ABCA13: variants seen among roughly 807,000 people sequenced by gnomAD.
ABCA13 encodes ATP-binding cassette sub-family A member 13.
A neutral mutation model predicts 478.7 loss-of-function variants in ABCA13; 476 were observed. The observed-to-expected ratio is 0.99, with a 90% confidence interval of 0.92 to 1.07. ABCA13 has a LOEUF of 1.07. ABCA13 is among the 50% of genes least tolerant of loss of function. ABCA13 has a pLI of 0.00. For synonymous variants in ABCA13, 2,252 were observed against 2,158.9 expected (o/e 1.04, Z -1.20); for missense variants, 6,060 against 5,910.6 (o/e 1.03, Z -0.83).
chr7:48,390,354 C>T (rs573392751), intron 37 of ABCA13, among the ~76,000 whole-genome samples: 45 of 152,136 alleles, frequency 3.0e-4, no homozygotes, highest in Admixed American at 6.5e-4. Context: ...CAGTCAAAGA[C>T]GGGGGGGTCT....
At chr7:48,514,343 C>G (rs895759726) in intron 51 of ABCA13, among the ~76,000 whole-genome samples, 32 of 152,142 alleles carry the variant, frequency 2.1e-4, no homozygotes, top group Non-Finnish European at 4.4e-5. Flanking sequence ...GTTAAAGGAG[C>G]AGAGAAAGAC....
chr7:48,400,438 A>G (rs758968175), intron 38 of ABCA13, among the ~76,000 whole-genome samples: 2 of 152,250 alleles, frequency 1.3e-5, no homozygotes, highest in Non-Finnish European at 2.9e-5. Flanking sequence ...GCTGCCTAGC[A>G]ATGTTCTCAA....
rs1374663068 is a variant in ABCA13 at position 48,520,110 on chromosome 7, G to A, written c.13867G>A (p.Gly4623Arg). Reference protein sequence around the residue: ...TIFPQFCLGQGLVELCYNQIK... With the variant: ...TIFPQFCLGQRLVELCYNQIK... Reference sequence around the variant, plus strand: ...TTTTCCTCAATTCTGTCTTGGTCAAGGACTGGTAGAACTCTGCTATAATCA... The same window carrying A: ...TTTTCCTCAATTCTGTCTTGGTCAAAGACTGGTAGAACTCTGCTATAATCA... Residue 4623 changes from glycine (G) to arginine (R), a missense_variant, in exon 53 of 62, where the codon GGA becomes AGA. Coordinates refer to ENST00000435803, the MANE Select transcript of ABCA13 (RefSeq NM_152701.5). 1 of 1,613,548 alleles carries A rather than the reference G, an allele frequency of 6.2e-7. No homozygotes were observed. The highest frequency in any genetic ancestry group is 1.7e-5 in the Admixed American group (1 of 59,980).
intron 3 of ABCA13, among the ~76,000 whole-genome samples, chr7:48,210,422 T>C (rs1785483376): frequency 6.6e-6 from 1 of 152,130 alleles, no homozygotes; most frequent in South Asian, 2.1e-4. Flanking sequence ...AGTTAGGTTG[T>C]TTATTTGAAG....
At chr7:48,264,907 A>G (rs1168764389) in intron 15 of ABCA13, among the ~76,000 whole-genome samples, 4 of 151,852 alleles carry the variant, frequency 2.6e-5, no homozygotes, top group African/African-American at 4.8e-5. Context: ...TGAGTTTAAT[A>G]GATTTATGTC....
chr7:48,481,225 A>C (rs1382420188), intron 46 of ABCA13, 71 bp downstream of exon 46: 2 of 1,298,840 alleles, frequency 1.5e-6, no homozygotes, highest in African/African-American at 3.0e-5. Context: ...TTTAAATGCT[A>C]ATGTTCTTAA....
Position 48,533,478 on chromosome 7 carries a change from A to G in ABCA13, c.14354+5133A>G, listed in dbSNP as rs189580702. Among the ~76,000 whole-genome samples the G allele has an allele frequency of 9.2e-5, 14 of 151,548 alleles. No homozygotes were observed. The East Asian group carries it at 2.7e-3, about 29-fold the overall frequency. ...GAATAGAATGTATATTCTGTAGCAC[A>G]TGAATGTTCTGTAATCATCTGTTGA... On this transcript the variant is annotated intron_variant, in intron 55 of 61. Coordinates refer to ENST00000435803, the MANE Select transcript of ABCA13 (RefSeq NM_152701.5).
At chr7:48,195,100 G>T (rs1206010941) in intron 2 of ABCA13, among the ~76,000 whole-genome samples, 5 of 152,234 alleles carry the variant, frequency 3.3e-5, no homozygotes, top group Non-Finnish European at 7.3e-5. Context: ...GAACAAGAGA[G>T]TGCAGAGGAG....
Position 48,275,509 on chromosome 7 carries a change from T to C in ABCA13, c.5843T>C (p.Ile1948Thr), listed in dbSNP as rs1377124313. 1.9e-6 allele frequency: 3 copies of C among 1,613,874 alleles called. No individual in the cohort carries two copies. The African/African-American group carries it at 4.0e-5, about 22-fold the overall frequency. Residue 1948 changes from isoleucine to threonine, a missense_variant, in exon 17 of 62, where the codon ATA (isoleucine) becomes ACA (threonine). Transcript: ENST00000435803. ...TCTGAACTCTGTCCTAGTGGTTCCA[T>C]AAAGCAAGTTGCTTTGCAAATCATA... is the stretch of plus-strand genomic sequence containing the variant. ...SISELCPSGS[I>T]KQVALQIIEK...
chr7:48,580,402 A>C (rs1202147834), intron 56 of ABCA13, 28 bp downstream of exon 56: 1 of 1,600,104 alleles, frequency 6.2e-7, no homozygotes, highest in East Asian at 2.3e-5. Flanking sequence ...CTTCTAGATA[A>C]AGGGACCCAT....
rs746767142 is a variant in ABCA13 at position 48,374,353 on chromosome 7, C to T, written c.11140C>T (p.Leu3714Phe). Residue 3714 changes from leucine (L) to phenylalanine (F), a missense_variant, in exon 34 of 62, where the codon CTT becomes TTT. Physicochemically the swap from Leu to Phe is conservative, Grantham distance 22. This residue lies in a region of ABCA13 where 4,423 missense variants were observed against 4,309.1 expected (regional missense o/e 1.03). Transcript: ENST00000435803. ...TCCATCAATCTGTGGGCAGTGCCTTCTTTCGACAACCGCCTTTGGACAAGG... is the reference window on the plus strand; with the variant it reads ...TCCATCAATCTGTGGGCAGTGCCTTTTTTCGACAACCGCCTTTGGACAAGG... ...SFVNQTFLCL[L>F]STTAFGQGVF... The T allele has an allele frequency of 6.2e-7, 1 of 1,609,168 alleles. No individual in the cohort carries two copies. Among genetic ancestry groups the T allele is most frequent in the Non-Finnish European group, 8.5e-7 (1 of 1,178,104 alleles).
intron 45 of ABCA13, among the ~76,000 whole-genome samples, chr7:48,475,062 A>G (rs549874219): frequency 2.0e-5 from 3 of 152,350 alleles, no homozygotes; most frequent in South Asian, 2.1e-4. Flanking sequence ...TGATAATGAA[A>G]TTGTCCTTGA....
At chr7:48,494,021 C>T (rs1424093978) in intron 48 of ABCA13, among the ~76,000 whole-genome samples, 1 of 152,172 alleles carries the variant, frequency 6.6e-6, no homozygotes, top group Non-Finnish European at 1.5e-5. Context: ...TACCTGGCTA[C>T]TGGGTGTCAG....
intron 48 of ABCA13, among the ~76,000 whole-genome samples, chr7:48,502,979 A>G (rs958597311): frequency 6.6e-6 from 1 of 152,220 alleles, no homozygotes; most frequent in Non-Finnish European, 1.5e-5. Context: ...TGTGAGGATA[A>G]CTAAGATCTA....
At chr7:48,384,414 C>G (rs1814855584) in intron 35 of ABCA13, among the ~76,000 whole-genome samples, 2 of 152,226 alleles carry the variant, frequency 1.3e-5, no homozygotes, top group African/African-American at 4.8e-5. Context: ...AGAGGAGAGG[C>G]TAACCAGTGT....
intron 1 of ABCA13, among the ~76,000 whole-genome samples, chr7:48,187,319 T>C (rs1298923768): frequency 6.6e-6 from 1 of 151,276 alleles, no homozygotes; most frequent in Non-Finnish European, 1.5e-5. Context: ...TAGTTTATTT[T>C]TGAAGTTCAG....
intron 55 of ABCA13, among the ~76,000 whole-genome samples, chr7:48,575,469 T>C (rs1032865989): frequency 1.3e-5 from 2 of 152,228 alleles, no homozygotes; most frequent in African/African-American, 4.8e-5. Context: ...CCAGTAGATC[T>C]TAAATTCTGT....
chr7:48,403,256 A>C (rs1024606588), intron 38 of ABCA13, among the ~76,000 whole-genome samples: 1 of 152,214 alleles, frequency 6.6e-6, no homozygotes, highest in African/African-American at 2.4e-5. Context: ...CCAGGGAGTG[A>C]AGGGCTTCTC....
intron 3 of ABCA13, among the ~76,000 whole-genome samples, 183 bp downstream of exon 3, chr7:48,198,543 CAGG>C (rs1269204013): frequency 6.6e-6 from 1 of 152,228 alleles, no homozygotes; most frequent in African/African-American, 2.4e-5. Context: ...TAGCTTCCAG[CAGG>C]AGATCTTTCC....
Sources: gnomAD v4.1 joint callset for allele counts (sites outside exome capture counted in the v4.1 genomes callset) on GRCh38, gnomAD v4.1.1 for gene constraint, gnomAD v4.1.1 regional missense constraint, MANE v1.5 for transcripts, NCBI Gene and HGNC (gene_info 2026-07-23, HGNC 2026-07-21) for gene names.